The following P2RY14 variants were observed in gnomAD, a reference collection of about 807,000 sequenced individuals.
P2RY14 encodes the protein purinergic receptor P2Y14, also known as P2Y purinoceptor 14.
P2RY14 carries 2 observed loss-of-function variants against 0.9 expected under a neutral mutation model. The ratio of observed to expected loss-of-function variants is 2.16; its 90% CI spans 0.88 to 6.79. P2RY14 has a LOEUF of 6.79. P2RY14 is among the 30% of genes most tolerant of loss of function. The pLI, the probability that P2RY14 is intolerant of heterozygous loss-of-function variation, is 0.05. For synonymous variants in P2RY14, 158 were observed against 147.2 expected, an observed-to-expected ratio of 1.07 and a Z score of -0.53; for missense variants, 378 against 400.1, an observed-to-expected ratio of 0.94 and a Z score of 0.47.
rs1727298897 is a variant in P2RY14 at position 151,212,287 on chromosome 3, A to C, written c.*1013T>G. Reference sequence around the variant, plus strand: ...TGGTAGCTCATAAGTCAGTAACCGTATGCCATGTCTCCAGAAGTAAAATCC... The same window carrying C: ...TGGTAGCTCATAAGTCAGTAACCGTCTGCCATGTCTCCAGAAGTAAAATCC... On this transcript the variant is annotated 3_prime_UTR_variant, in exon 3 of 3. Transcript: ENST00000309170. 1 of 152,218 alleles carries C rather than the reference A, an allele frequency of 6.6e-6. No individual in the cohort carries two copies. The highest frequency in any genetic ancestry group is 2.1e-4 in the South Asian group (1 of 4,834). 9.4% of individuals were successfully genotyped at this position (152,218 alleles called of 1,614,324 possible). A position where few individuals can be genotyped will look rare whatever the true frequency, so the allele number is the denominator to read the frequency against.
At chr3:151,263,684 G>A (rs1739307300) in intron 1 of P2RY14, among the ~76,000 whole-genome samples, 2 of 152,114 alleles carry the variant, frequency 1.3e-5, no homozygotes, top group Non-Finnish European at 2.9e-5. Context: ...AGTGAATAAG[G>A]ACTCATCTCT....
intron 1 of P2RY14, among the ~76,000 whole-genome samples, chr3:151,270,681 A>G (rs571553300): frequency 3.9e-5 from 6 of 152,258 alleles, no homozygotes; most frequent in African/African-American, 1.4e-4. Context: ...TGAGTTTGAG[A>G]TGTTTGGGTG....
chr3:151,274,436 T>G (rs1741513791), intron 1 of P2RY14, among the ~76,000 whole-genome samples: 1 of 152,202 alleles, frequency 6.6e-6, no homozygotes. Context: ...TAGGCATATT[T>G]ATAGTGGGGA....
chr3:151,246,981 A>G (rs1735683367), intron 1 of P2RY14, among the ~76,000 whole-genome samples: 1 of 152,234 alleles, frequency 6.6e-6, no homozygotes, highest in Admixed American at 6.5e-5. Context: ...ACACTTCTCA[A>G]AAGAAGACAT....
intron 1 of P2RY14, among the ~76,000 whole-genome samples, chr3:151,230,499 A>G (rs1731439622): frequency 6.6e-6 from 1 of 151,854 alleles, no homozygotes; most frequent in South Asian, 2.1e-4. Flanking sequence ...TATACTATAC[A>G]CTACACTTTG....
At chr3:151,230,687 A>C (rs1731495850) in intron 1 of P2RY14, among the ~76,000 whole-genome samples, 1 of 151,978 alleles carries the variant, frequency 6.6e-6, no homozygotes, top group Admixed American at 6.6e-5. Context: ...ACTTCCCTTC[A>C]AACTTTAAAC....
intron 1 of P2RY14, among the ~76,000 whole-genome samples, chr3:151,248,597 T>C (rs1736221861): frequency 6.6e-6 from 1 of 152,170 alleles, no homozygotes; most frequent in African/African-American, 2.4e-5. Context: ...AATAAGTATT[T>C]TTAAAATAGG....
chr3:151,212,575 C>T lies in P2RY14; in HGVS notation c.*725G>A, dbSNP rs1046960437. The T allele has an allele frequency of 2.0e-5, 3 of 152,050 alleles. No homozygotes were observed. Among genetic ancestry groups the T allele is most frequent in the African/African-American group, 7.2e-5 (3 of 41,470 alleles). The allele number at this position is 152,050 out of a possible 1,614,324, so 9.4% of individuals were successfully genotyped here. On this transcript the variant is annotated 3_prime_UTR_variant, in exon 3 of 3. Transcript: ENST00000309170. ...ATTTAGTTTCTCTCAGTAAAGCCTA[C>T]TTAAAAATATTCTAACACCAGAACC...
intron 1 of P2RY14, among the ~76,000 whole-genome samples, chr3:151,258,683 C>G (rs1400438791): frequency 6.6e-6 from 1 of 151,994 alleles, no homozygotes; most frequent in Non-Finnish European, 1.5e-5. Context: ...AACCCCGTCT[C>G]TACTAAAAAT....
chr3:151,273,227 CTTTTTTTTTTTTT>C (rs63035061), intron 1 of P2RY14, among the ~76,000 whole-genome samples: 1 of 106,170 alleles, frequency 9.4e-6, no homozygotes, highest in Non-Finnish European at 1.9e-5. Flanking sequence ...TTGTTGTGTT[CTTTTTTTTTTTTT>C]TTTTTTTTGA....
intron 1 of P2RY14, among the ~76,000 whole-genome samples, chr3:151,244,674 C>T (rs1439453503): frequency 6.7e-6 from 1 of 150,196 alleles, no homozygotes; most frequent in Non-Finnish European, 1.5e-5. Flanking sequence ...AGGAAAGATC[C>T]AAAATTGACA....
intron 1 of P2RY14, among the ~76,000 whole-genome samples, chr3:151,246,040 A>G (rs1174279006): frequency 6.6e-6 from 1 of 151,424 alleles, no homozygotes; most frequent in Non-Finnish European, 1.5e-5. Context: ...AGAGAATAAA[A>G]TACCTAGGAA....
At chr3:151,230,436 C>T (rs900611049) in intron 1 of P2RY14, among the ~76,000 whole-genome samples, 1 of 152,166 alleles carries the variant, frequency 6.6e-6, no homozygotes, top group African/African-American at 2.4e-5. Context: ...TCATTATTGC[C>T]TCAGGTATAA....
At chr3:151,219,366 C>T (rs1195896366) in intron 2 of P2RY14, among the ~76,000 whole-genome samples, 169 bp downstream of exon 2, 1 of 152,182 alleles carries the variant, frequency 6.6e-6, no homozygotes, top group Non-Finnish European at 1.5e-5. Flanking sequence ...GTTCATTACT[C>T]ATCTGTGTAA....
intron 1 of P2RY14, among the ~76,000 whole-genome samples, chr3:151,244,493 T>C (rs1195488885): frequency 8.1e-5 from 12 of 147,630 alleles, no homozygotes; most frequent in African/African-American, 2.7e-4. Context: ...ACATGGAAAC[T>C]GAACAACCTG....
chr3:151,226,921 T>G (rs1730608129), intron 1 of P2RY14, among the ~76,000 whole-genome samples: 1 of 152,220 alleles, frequency 6.6e-6, no homozygotes, highest in African/African-American at 2.4e-5. Context: ...GTGGAAACTC[T>G]TCTGCAGGGA....
At chr3:151,237,585 A>G (rs1159861566) in intron 1 of P2RY14, among the ~76,000 whole-genome samples, 1 of 147,498 alleles carries the variant, frequency 6.8e-6, no homozygotes, top group Non-Finnish European at 1.5e-5. Flanking sequence ...TCCTGACCTC[A>G]GGTGATCTGC....
intron 1 of P2RY14, among the ~76,000 whole-genome samples, chr3:151,263,560 A>T (rs1739290168): frequency 6.6e-6 from 1 of 152,228 alleles, no homozygotes; most frequent in Non-Finnish European, 1.5e-5. Context: ...TACGTGTTTT[A>T]TCGTTAATTT....
chr3:151,243,347 T>C (rs972095265), intron 1 of P2RY14, among the ~76,000 whole-genome samples: 4 of 150,072 alleles, frequency 2.7e-5, no homozygotes, highest in African/African-American at 7.4e-5. Context: ...AAGGAAAAAA[T>C]GTTAAGGGCA....
Sources: allele counts gnomAD v4.1 joint callset (sites outside exome capture counted in the v4.1 genomes callset), GRCh38; gene constraint gnomAD v4.1.1; transcripts MANE v1.5; gene names NCBI Gene and HGNC (gene_info 2026-07-23, HGNC 2026-07-21).